Variants in GPR149 observed in about 807,000 individuals in gnomAD.
GPR149 encodes the protein G protein-coupled receptor 149.
A neutral mutation model predicts 50.2 loss-of-function variants in GPR149; 50 were observed. The ratio of observed to expected loss-of-function variants is 1.00; its 90% CI spans 0.79 to 1.26. GPR149 has a LOEUF of 1.26. Ranked by LOEUF, GPR149 falls within the 50% of genes most tolerant of loss-of-function variation. The pLI, the probability that GPR149 is intolerant of heterozygous loss-of-function variation, is 0.00. For missense variants in GPR149, 983 were observed against 895.4 expected (o/e 1.10, Z -1.25); for synonymous variants, 405 against 358.2 (o/e 1.13, Z -1.48).
chr3:154,343,956 G>A (rs1330211966), intron 3 of GPR149, among the ~76,000 whole-genome samples: 3 of 151,820 alleles, frequency 2.0e-5, no homozygotes, highest in Non-Finnish European at 4.4e-5. Context: ...TCCAACCCGG[G>A]TGACAGTGAG....
chr3:154,406,653 GTAAGAAAAGAGGGGATA>G (rs1303434082), intron 3 of GPR149, among the ~76,000 whole-genome samples: 1 of 152,158 alleles, frequency 6.6e-6, no homozygotes, highest in African/African-American at 2.4e-5. Flanking sequence ...ATATCTACGT[GTAAGAAAAGAGGGGATA>G]TAAGAAGACA....
intron 3 of GPR149, among the ~76,000 whole-genome samples, chr3:154,369,116 C>T (rs576647838): frequency 7.9e-5 from 12 of 152,266 alleles, no homozygotes; most frequent in Admixed American, 3.3e-4. Context: ...ATAGGGAAGA[C>T]GAGTCCCAAG....
chr3:154,397,662 G>T (rs1048887877), intron 3 of GPR149, among the ~76,000 whole-genome samples: 1 of 151,854 alleles, frequency 6.6e-6, no homozygotes, highest in African/African-American at 2.4e-5. Context: ...CTAATTTGTC[G>T]CATTTTCTGA....
At chr3:154,368,100 C>T (rs1479780290) in intron 3 of GPR149, among the ~76,000 whole-genome samples, 7 of 152,124 alleles carry the variant, frequency 4.6e-5, no homozygotes, top group African/African-American at 7.2e-5. Context: ...GAAGTACACC[C>T]GGGAGTTATC....
At chr3:154,390,436 T>C (rs1286758404) in intron 3 of GPR149, among the ~76,000 whole-genome samples, 1 of 151,682 alleles carries the variant, frequency 6.6e-6, no homozygotes, top group Non-Finnish European at 1.5e-5. Context: ...AATGAAAAAT[T>C]AACTAGAGAA....
At chr3:154,353,101 T>C in intron 3 of GPR149, 1 of 1,470,302 alleles carries the variant, frequency 6.8e-7, no homozygotes, top group South Asian at 1.1e-5. Flanking sequence ...GCATTCTGTT[T>C]TATGTGTGGA....
chr3:154,417,018 A>G (rs1712011501), intron 3 of GPR149, among the ~76,000 whole-genome samples: 1 of 151,924 alleles, frequency 6.6e-6, no homozygotes, highest in South Asian at 2.1e-4. Flanking sequence ...TGAACTTGGT[A>G]TTAAAAGAGA....
intron 3 of GPR149, among the ~76,000 whole-genome samples, chr3:154,379,298 GT>G (rs34002737): frequency 0.025 from 1,289 of 50,800 alleles, 106 homozygotes; most frequent in South Asian, 0.08. Flanking sequence ...ACTTGCAAAG[GT>G]TTTTTTTTTT....
At chr3:154,353,004 G>C in intron 3 of GPR149, 1 of 1,246,406 alleles carries the variant, frequency 8.0e-7, no homozygotes, top group East Asian at 2.3e-5. Context: ...CACATTGGTT[G>C]CCACCAAAAC....
At chr3:154,357,041 A>G (rs1180112298) in intron 3 of GPR149, among the ~76,000 whole-genome samples, 4 of 152,224 alleles carry the variant, frequency 2.6e-5, no homozygotes, top group Non-Finnish European at 5.9e-5. Context: ...ATTTACAGCC[A>G]TCTGATCTTT....
rs1228488055 is a variant in GPR149, at chr3:154,379,102, C to T, written c.1624-40831G>A. On this transcript the variant is annotated intron_variant, in intron 3 of 3. Transcript: ENST00000389740. ...AAAAATACAAAAAATTAGCCGGGCGCGGTGGCGGGCGCCTGTAGTCCCAGC... is the reference window on the plus strand; with the variant it reads ...AAAAATACAAAAAATTAGCCGGGCGTGGTGGCGGGCGCCTGTAGTCCCAGC... Among the ~76,000 whole-genome samples, 43 of 14,346 alleles carry T rather than the reference C, an allele frequency of 3.0e-3. 20 individuals carry two copies. The highest frequency in any genetic ancestry group is 9.0e-3 in the African/African-American group (43 of 4,758). 9.4% of individuals were successfully genotyped at this position (14,346 alleles called of 152,430 possible).
Position 154,336,852 on chromosome 3 carries a change from GT to G in GPR149, c.*846del, listed in dbSNP as rs1164240743. On this transcript the variant is annotated 3_prime_UTR_variant, in exon 4 of 4. Transcript: ENST00000389740. ...ATCCAGAAGCCTACCATGTTTGGAT[GT>G]ACCTCTCATAACTGAATCTGCCAGT... The G allele has an allele frequency of 3.3e-5, 5 of 151,796 alleles. No homozygotes were observed. The highest frequency in any genetic ancestry group is 9.7e-5 in the African/African-American group (4 of 41,322). The allele number at this position is 151,796 out of a possible 1,614,324, so 9.4% of individuals were successfully genotyped here.
intron 3 of GPR149, among the ~76,000 whole-genome samples, chr3:154,351,790 A>T (rs889721618): frequency 1.3e-5 from 2 of 152,222 alleles, no homozygotes; most frequent in African/African-American, 4.8e-5. Context: ...AGAGAAGTAG[A>T]GGAGATAATT....
chr3:154,409,954 G>A, intron 3 of GPR149, among the ~76,000 whole-genome samples: 1 of 152,052 alleles, frequency 6.6e-6, no homozygotes, highest in East Asian at 1.9e-4. Flanking sequence ...TCAAGATAAA[G>A]GAAATAATCT....
In GPR149 at chr3:154,337,964, G is replaced by C; in HGVS notation, c.1931C>G (p.Ser644Cys). ...TAGGGATGGAGATCTGACTTGTGTGGAGGACTGACTGATGTTACTAATGAT... is the reference window on the plus strand; with the variant it reads ...TAGGGATGGAGATCTGACTTGTGTGCAGGACTGACTGATGTTACTAATGAT... ...VSIISNISQS[S>C]TQVRSPSLRY... is the part of the protein sequence containing the mutation. The change falls in exon 4 of 4, where the codon TCC becomes TGC. Residue 644 changes from serine (S) to cysteine (C), a missense_variant. By Grantham distance (112) the Ser-to-Cys change is moderately radical (BLOSUM62 -1). Coordinates refer to ENST00000389740, the MANE Select transcript of GPR149 (RefSeq NM_001038705.3). 1.2e-6 allele frequency: 2 copies of C among 1,614,070 alleles called. No individual in the cohort carries two copies. The highest frequency in any genetic ancestry group is 1.7e-6 in the Non-Finnish European group (2 of 1,179,958).
intron 3 of GPR149, among the ~76,000 whole-genome samples, chr3:154,402,802 T>C (rs1374430931): frequency 6.6e-6 from 1 of 152,230 alleles, no homozygotes; most frequent in African/African-American, 2.4e-5. Context: ...TACATGCCTG[T>C]GTGGAACTTG....
At chr3:154,353,038 C>G in intron 3 of GPR149, 4 of 1,383,318 alleles carry the variant, frequency 2.9e-6, no homozygotes, top group Non-Finnish European at 4.1e-6. Flanking sequence ...TCTCTGAAGC[C>G]TTTTAGTGTA....
At position 154,429,547 on chromosome 3, in the gene GPR149, C is replaced by T. The variant is rs777546936; in HGVS notation, c.69G>A (p.Thr23=). 5.6e-6 allele frequency: 9 copies of T among 1,613,638 alleles called. No individual in the cohort carries two copies. The highest frequency in any genetic ancestry group is 2.7e-5 in the African/African-American group (2 of 74,890). Reference sequence around the variant, plus strand: ...GGGTTCCTGGCGGATTTAAAAGGTCCGTAGAATTATGATTCTCTTTCCACA... The same window carrying T: ...GGGTTCCTGGCGGATTTAAAAGGTCTGTAGAATTATGATTCTCTTTCCACA... ...SSLWKENHNS[T]DLLNPPGTLN... is the part of the protein sequence containing the mutation. Residue 23 remains threonine (T), a synonymous_variant, in exon 1 of 4, where the codon ACG becomes ACA. Transcript: ENST00000389740.
chr3:154,352,278 C>T, intron 3 of GPR149: 1 of 841,490 alleles, frequency 1.2e-6, no homozygotes, highest in Non-Finnish European at 1.9e-6. Flanking sequence ...ACCTGACTGG[C>T]CTGACCCGCC....
Sources: gnomAD v4.1 joint callset for allele counts (sites outside exome capture counted in the v4.1 genomes callset) on GRCh38, gnomAD v4.1.1 for gene constraint, MANE v1.5 for transcripts, NCBI Gene and HGNC (gene_info 2026-07-23, HGNC 2026-07-21) for gene names.